The following GRM7 variants were observed in gnomAD, a reference collection of about 807,000 sequenced individuals.
The protein encoded by GRM7 is glutamate metabotropic receptor 7, also known as metabotropic glutamate receptor 7.
GRM7 carries 35 observed loss-of-function variants against 84.5 expected under a neutral mutation model. The observed-to-expected ratio is 0.41, with a 90% CI of 0.32 to 0.55. GRM7 has a LOEUF of 0.55. Among genes scored for constraint, GRM7 ranks in the 20% least tolerant of loss-of-function variants. The probability of loss-of-function intolerance (pLI) is 0.19; values close to 1 mark genes in which losing one functional copy is unlikely to be tolerated. For synonymous variants in GRM7, 487 were observed against 455.1 expected, an observed-to-expected ratio of 1.07 and a Z score of -0.89; for missense variants, 1,003 against 1,194.6, an observed-to-expected ratio of 0.84 and a Z score of 2.36.
At chr3:7,084,686 C>A (rs1267447086) in intron 1 of GRM7, among the ~76,000 whole-genome samples, 1 of 151,980 alleles carries the variant, frequency 6.6e-6, no homozygotes, top group Non-Finnish European at 1.5e-5. Context: ...AGCCGTTGGG[C>A]AGGTGATTAG....
chr3:7,501,525 T>C (rs1306163871), intron 7 of GRM7, among the ~76,000 whole-genome samples: 1 of 152,208 alleles, frequency 6.6e-6, no homozygotes, highest in Non-Finnish European at 1.5e-5. Context: ...CAGCTTATAT[T>C]ATAGACGGAC....
intron 1 of GRM7, among the ~76,000 whole-genome samples, chr3:6,878,620 T>C (rs919668440): frequency 8.5e-5 from 13 of 152,078 alleles, no homozygotes; most frequent in African/African-American, 3.1e-4. Flanking sequence ...AATGGACCAA[T>C]ACATCACGCA....
At chr3:7,197,911 G>A (rs1405812398) in intron 2 of GRM7, among the ~76,000 whole-genome samples, 1 of 152,066 alleles carries the variant, frequency 6.6e-6, no homozygotes, top group African/African-American at 2.4e-5. Flanking sequence ...CCCCAGTAAA[G>A]TTGAATGAAA....
chr3:7,222,908 A>C (rs1458234737), intron 2 of GRM7, among the ~76,000 whole-genome samples: 3 of 152,190 alleles, frequency 2.0e-5, no homozygotes, highest in Admixed American at 2.0e-4. Context: ...GGACTGTGTA[A>C]GAATATTTAT....
rs537462478 is a variant in GRM7, at chr3:6,968,552, T to C, written c.519+106645T>C. 4.6e-5 allele frequency among the ~76,000 whole-genome samples: 7 copies of C among 152,364 alleles called. No individual in the cohort carries two copies. The South Asian group carries it at 1.4e-3, about 32-fold the overall frequency. On this transcript the variant is annotated intron_variant, in intron 1 of 9. Coordinates refer to ENST00000357716, the MANE Select transcript of GRM7 (RefSeq NM_000844.4). ...AAGTGGGATCATTTACTTAAAATGCTTATTGCAACATTAAGTTGGAAATAA... is the reference window on the plus strand; with the variant it reads ...AAGTGGGATCATTTACTTAAAATGCCTATTGCAACATTAAGTTGGAAATAA...
chr3:7,538,800 A>T (rs1692705818), intron 7 of GRM7, among the ~76,000 whole-genome samples: 1 of 152,118 alleles, frequency 6.6e-6, no homozygotes. Flanking sequence ...GCAACCTATC[A>T]TGGATCTTGT....
intron 4 of GRM7, among the ~76,000 whole-genome samples, chr3:7,400,435 C>T (rs541082961): frequency 1.1e-4 from 16 of 152,238 alleles, no homozygotes; most frequent in Middle Eastern, 3.4e-3. Flanking sequence ...ACTCTTTATA[C>T]GGCAGACCCT....
At chr3:7,670,058 T>C (rs1461355074) in intron 8 of GRM7, among the ~76,000 whole-genome samples, 1 of 146,942 alleles carries the variant, frequency 6.8e-6, no homozygotes, top group Non-Finnish European at 1.5e-5. Context: ...TTGAAGTGAT[T>C]TGCCCATCAT....
intron 1 of GRM7, among the ~76,000 whole-genome samples, chr3:6,868,367 G>C (rs1695006127): frequency 6.6e-6 from 1 of 152,144 alleles, no homozygotes; most frequent in South Asian, 2.1e-4. Flanking sequence ...GTTGCTGATT[G>C]CTTAAGCGTA....
intron 1 of GRM7, among the ~76,000 whole-genome samples, chr3:6,913,710 A>G (rs1406915520): frequency 3.3e-5 from 5 of 152,182 alleles, no homozygotes; most frequent in African/African-American, 4.8e-5. Context: ...TTCAAGTTTT[A>G]GAGTACGCAC....
chr3:7,405,821 T>C (rs967352593), intron 4 of GRM7, among the ~76,000 whole-genome samples: 9 of 152,066 alleles, frequency 5.9e-5, no homozygotes, highest in African/African-American at 2.2e-4. Context: ...AAATAAAATA[T>C]CACTCATCAT....
intron 8 of GRM7, among the ~76,000 whole-genome samples, chr3:7,628,053 C>G (rs1043714705): frequency 6.6e-6 from 1 of 152,140 alleles, no homozygotes; most frequent in South Asian, 2.1e-4. Flanking sequence ...ATGCCCCTTT[C>G]CTCTTCACAG....
At chr3:7,537,522 A>C (rs1185542425) in intron 7 of GRM7, among the ~76,000 whole-genome samples, 1 of 152,222 alleles carries the variant, frequency 6.6e-6, no homozygotes, top group East Asian at 1.9e-4. Context: ...TCAATCAATA[A>C]GGCAAATGAC....
intron 1 of GRM7, among the ~76,000 whole-genome samples, chr3:6,934,424 T>C (rs1697615413): frequency 6.6e-6 from 1 of 152,084 alleles, no homozygotes; most frequent in Non-Finnish European, 1.5e-5. Context: ...TTCATTACAT[T>C]AGGAAAGAAT....
In GRM7 at chr3:7,719,779, A is replaced by AACACACACACACAC. The variant is rs71043692; in HGVS notation, c.2699-20544_2699-20531dup. Among the ~76,000 whole-genome samples the AACACACACACACAC allele has an allele frequency of 2.5e-3, 336 of 133,532 alleles. 3 individuals are homozygous for AACACACACACACAC. The highest frequency in any genetic ancestry group is 6.4e-3 in the South Asian group (24 of 3,752). The allele number at this position is 133,532 out of a possible 152,430, so 87.6% of individuals were successfully genotyped here. On this transcript the variant is annotated intron_variant, in intron 9 of 9. Coordinates refer to ENST00000357716, the MANE Select transcript of GRM7 (RefSeq NM_000844.4). ...GTGAGCCAAGATTGCACCACTGGGC[A>AACACACACACACAC]ACACACACACACACACACACACACA...
chr3:7,498,536 G>A (rs1036433830), intron 7 of GRM7, among the ~76,000 whole-genome samples: 1 of 152,110 alleles, frequency 6.6e-6, no homozygotes, highest in Non-Finnish European at 1.5e-5. Flanking sequence ...AGATTCCCTA[G>A]GGTTGAATCC....
chr3:7,153,454 T>C (rs17234990), intron 2 of GRM7, among the ~76,000 whole-genome samples: 34,563 of 152,018 alleles, frequency 0.23, 4,959 homozygotes, highest in Non-Finnish European at 0.32. Flanking sequence ...GGCTAGACAG[T>C]ATGCTACATT....
chr3:7,441,856 T>C (rs1697302950), intron 5 of GRM7, among the ~76,000 whole-genome samples: 1 of 152,180 alleles, frequency 6.6e-6, no homozygotes. Flanking sequence ...TTTGTGTCAG[T>C]ACCATGCTGT....
intron 2 of GRM7, among the ~76,000 whole-genome samples, chr3:7,283,400 GTTA>G (rs61500951): frequency 1.3e-5 from 2 of 150,308 alleles, no homozygotes; most frequent in Admixed American, 6.6e-5. Context: ...TGAGGTTGCT[GTTA>G]TTATTATTAT....
Sources: gnomAD v4.1 joint callset for allele counts (sites outside exome capture counted in the v4.1 genomes callset) on GRCh38, gnomAD v4.1.1 for gene constraint, MANE v1.5 for transcripts, NCBI Gene and HGNC (gene_info 2026-07-23, HGNC 2026-07-21) for gene names.